LRRC8B: variants seen among roughly 807,000 people sequenced by gnomAD.
LRRC8B encodes the protein leucine rich repeat containing 8 VRAC subunit B.
LRRC8B carries 23 observed loss-of-function variants against 58.8 expected under a neutral mutation model. The observed-to-expected ratio is 0.39, with a 90% CI of 0.28 to 0.55. The LOEUF (loss-of-function observed/expected upper bound fraction) is 0.55, where lower values mean the gene tolerates loss of function less well. LRRC8B is among the 20% of genes least tolerant of loss of function. LRRC8B has a pLI of 0.62. For missense variants in LRRC8B, 694 were observed against 936.0 expected, an observed-to-expected ratio of 0.74 and a Z score of 3.37; for synonymous variants, 359 against 374.1, an observed-to-expected ratio of 0.96 and a Z score of 0.47.
intron 1 of LRRC8B, among the ~76,000 whole-genome samples, chr1:89,542,013 A>G (rs1315100611): frequency 6.6e-6 from 1 of 152,200 alleles, no homozygotes; most frequent in Non-Finnish European, 1.5e-5. Flanking sequence ...TTTTTAATGT[A>G]ATATATGGCT....
chr1:89,581,034 A>G (rs12729983), intron 4 of LRRC8B, among the ~76,000 whole-genome samples: 61,322 of 151,872 alleles, frequency 0.4, 13,721 homozygotes, highest in South Asian at 0.55. Context: ...GCTCAGGCCT[A>G]TAATCTCAGC....
In LRRC8B at chr1:89,552,707, A is replaced by G. The variant is rs576293760; in HGVS notation, c.-240-15540A>G. 7.7e-4 allele frequency among the ~76,000 whole-genome samples: 117 copies of G among 152,332 alleles called. No individual in the cohort carries two copies. In the South Asian group the frequency reaches 0.019, roughly 25 times the overall value. On this transcript the variant is annotated intron_variant, in intron 1 of 5. Coordinates refer to ENST00000330947, the MANE Select transcript of LRRC8B (RefSeq NM_001369817.2). The stretch of plus-strand genomic sequence containing the variant: ...TTTATACCAGAGTTGATTTACTAGC[A>G]TGAAAATGATTGCTTAACCCTGCTC...
Position 89,583,981 on chromosome 1 carries a change from T to G in LRRC8B, c.1331T>G (p.Val444Gly), listed in dbSNP as rs1413128544. ...DNVFELTEME[V>G]LSLELIPEVK... is the part of the protein sequence containing the mutation. The stretch of plus-strand genomic sequence containing the variant: ...GTCTTTGAGTTAACTGAAATGGAAG[T>G]GCTAAGCCTGGAGCTTATCCCAGAG... Residue 444 changes from valine to glycine, a missense_variant, in exon 5 of 6, where the codon GTG (valine) becomes GGG (glycine). Val to Gly is a moderately radical substitution (Grantham distance 109, BLOSUM62 -3). Around this residue, in one of 5 missense-constraint regions of LRRC8B, gnomAD observed 162 missense variants for 198.5 expected, o/e 0.82. Coordinates refer to ENST00000330947, the MANE Select transcript of LRRC8B (RefSeq NM_001369817.2). This position sits in a 1 kb window ranked among gnomAD's most constrained non-coding sequence, Gnocchi z 5.2. The G allele has an allele frequency of 6.2e-7, 1 of 1,614,094 alleles. No individual in the cohort carries two copies. Among genetic ancestry groups the G allele is most frequent in the Non-Finnish European group, 8.5e-7 (1 of 1,180,036 alleles).
At chr1:89,569,200 A>C (rs1393074210) in intron 3 of LRRC8B, among the ~76,000 whole-genome samples, 1 of 152,186 alleles carries the variant, frequency 6.6e-6, no homozygotes, top group Non-Finnish European at 1.5e-5. Context: ...CACCTACTAC[A>C]TTCTAAACAT....
chr1:89,540,359 T>G (rs550196693), intron 1 of LRRC8B, among the ~76,000 whole-genome samples: 2 of 152,356 alleles, frequency 1.3e-5, no homozygotes, highest in African/African-American at 4.8e-5. Flanking sequence ...TTTCTTTGCC[T>G]ATGTGGCTCT....
At chr1:89,556,103 G>A (rs971164255) in intron 1 of LRRC8B, among the ~76,000 whole-genome samples, 14 of 152,126 alleles carry the variant, frequency 9.2e-5, no homozygotes, top group African/African-American at 3.4e-4. Context: ...TCTGGAAAGG[G>A]GAGAGGGACT....
chr1:89,564,533 C>T (rs1459588704), intron 1 of LRRC8B, among the ~76,000 whole-genome samples: 4 of 152,132 alleles, frequency 2.6e-5, no homozygotes, highest in African/African-American at 4.8e-5. Context: ...AACTTTTTCA[C>T]GTTTAGAGTT....
intron 5 of LRRC8B, among the ~76,000 whole-genome samples, chr1:89,589,972 A>G (rs1570653270): frequency 6.6e-6 from 1 of 151,902 alleles, no homozygotes; most frequent in South Asian, 2.1e-4. Flanking sequence ...TAATATAGCC[A>G]TTAGTTTTTG....
At chr1:89,556,689 C>T (rs1011405755) in intron 1 of LRRC8B, among the ~76,000 whole-genome samples, 2 of 152,188 alleles carry the variant, frequency 1.3e-5, no homozygotes, top group African/African-American at 4.8e-5. Context: ...CAGACATTCT[C>T]CCTCTCCAGC....
intron 1 of LRRC8B, among the ~76,000 whole-genome samples, chr1:89,533,148 A>G (rs999389382): frequency 1.3e-5 from 2 of 152,182 alleles, no homozygotes; most frequent in Admixed American, 6.5e-5. Context: ...ATCACCTACA[A>G]ATTTATTGTC....
intron 1 of LRRC8B, among the ~76,000 whole-genome samples, chr1:89,530,033 G>A (rs1649994762): frequency 6.6e-6 from 1 of 152,068 alleles, no homozygotes; most frequent in African/African-American, 2.4e-5. Context: ...CAGATGAGAA[G>A]TTGTCACTGT....
intron 1 of LRRC8B, among the ~76,000 whole-genome samples, chr1:89,540,732 CT>C (rs778270491): frequency 7.9e-5 from 12 of 152,172 alleles, no homozygotes; most frequent in African/African-American, 1.2e-4. Context: ...GGAAGTAACA[CT>C]GGCAACTGTG....
At chr1:89,565,570 G>A (rs751393507) in intron 1 of LRRC8B, among the ~76,000 whole-genome samples, 1 of 152,124 alleles carries the variant, frequency 6.6e-6, no homozygotes, top group Non-Finnish European at 1.5e-5. Context: ...AGGCTCTGTC[G>A]CTGTCATTTG....
At chr1:89,526,990 A>C (rs1649750534) in intron 1 of LRRC8B, 1 of 152,212 alleles carries the variant, frequency 6.6e-6, no homozygotes, top group South Asian at 2.1e-4. Flanking sequence ...ACCAACAGTA[A>C]GTAAAATGAA....
chr1:89,540,962 G>A (rs1368386895), intron 1 of LRRC8B, among the ~76,000 whole-genome samples: 1 of 152,172 alleles, frequency 6.6e-6, no homozygotes, highest in East Asian at 1.9e-4. Flanking sequence ...TTTCAGAGAA[G>A]GAGTGGATTA....
At chr1:89,581,273 CAAAAA>C (rs5776023) in intron 4 of LRRC8B, among the ~76,000 whole-genome samples, 4 of 72,556 alleles carry the variant, frequency 5.5e-5, no homozygotes, top group African/African-American at 1.2e-4. Flanking sequence ...GACTCCGTCT[CAAAAA>C]AAAAAAAAAA....
At position 89,551,914 on chromosome 1, in the gene LRRC8B, A is replaced by G. The variant is rs976924255; in HGVS notation, c.-240-16333A>G. The stretch of plus-strand genomic sequence containing the variant: ...CAAGTGTTTCTAGAATTCACTAGCC[A>G]CATGATTTGATTATTATATATATTT... On this transcript the variant is annotated intron_variant, in intron 1 of 5. Coordinates refer to ENST00000330947, the MANE Select transcript of LRRC8B (RefSeq NM_001369817.2). Among the ~76,000 whole-genome samples the G allele has an allele frequency of 2.6e-5, 4 of 152,358 alleles. No homozygotes were observed. In the South Asian group the frequency reaches 8.3e-4, roughly 32 times the overall value.
chr1:89,574,649 T>A (rs966873195), intron 3 of LRRC8B, among the ~76,000 whole-genome samples: 1 of 152,144 alleles, frequency 6.6e-6, no homozygotes, highest in African/African-American at 2.4e-5. Context: ...AGAGACTAAT[T>A]AAAGAAGAAA....
At chr1:89,576,066 C>G (rs1412874236) in intron 3 of LRRC8B, among the ~76,000 whole-genome samples, 2 of 152,216 alleles carry the variant, frequency 1.3e-5, no homozygotes, top group East Asian at 1.9e-4. Flanking sequence ...TACTGCTTCT[C>G]TTAAATGCTA....
Sources: gnomAD v4.1 joint callset for allele counts (sites outside exome capture counted in the v4.1 genomes callset) on GRCh38, gnomAD v4.1.1 for gene constraint, gnomAD v4.1.1 regional missense constraint, Gnocchi (gnomAD v3.1) non-coding constraint, MANE v1.5 for transcripts, NCBI Gene and HGNC (gene_info 2026-07-23, HGNC 2026-07-21) for gene names.